DPY19L2: variants seen among roughly 807,000 people sequenced by gnomAD.
DPY19L2 encodes dpy-19 like 2, also known as probable C-mannosyltransferase DPY19L2.
A neutral mutation model predicts 97.9 loss-of-function variants in DPY19L2; 34 were observed. The observed-to-expected ratio is 0.35, with a 90% CI of 0.26 to 0.46. The LOEUF (loss-of-function observed/expected upper bound fraction) is 0.46, where lower values mean the gene tolerates loss of function less well. Ranked by LOEUF, DPY19L2 falls within the 20% of genes least tolerant of loss-of-function variation. The probability of loss-of-function intolerance (pLI) is 1.00; values close to 1 mark genes in which losing one functional copy is unlikely to be tolerated. For missense variants in DPY19L2, 623 were observed against 911.4 expected, an observed-to-expected ratio of 0.68 and a Z score of 4.07; for synonymous variants, 230 against 307.9, an observed-to-expected ratio of 0.75 and a Z score of 2.65.
intron 6 of DPY19L2, among the ~76,000 whole-genome samples, chr12:63,632,849 A>G (rs1233809511): frequency 7.2e-5 from 11 of 152,178 alleles, no homozygotes; most frequent in African/African-American, 2.4e-4. Context: ...ACAGCATGGT[A>G]CTGGTACCAA....
chr12:63,610,719 T>G (rs1886799387), intron 11 of DPY19L2, among the ~76,000 whole-genome samples: 1 of 150,268 alleles, frequency 6.7e-6, no homozygotes, highest in Non-Finnish European at 1.5e-5. Flanking sequence ...CTTCTCAAGC[T>G]CTTCCAAAAA....
At chr12:63,660,222 A>C (rs1321929735) in intron 4 of DPY19L2, among the ~76,000 whole-genome samples, 6 of 152,114 alleles carry the variant, frequency 3.9e-5, no homozygotes, top group African/African-American at 1.4e-4. Flanking sequence ...GAAACCATAC[A>C]AAAGTGTACC....
At chr12:63,568,323 G>A in intron 21 of DPY19L2, among the ~76,000 whole-genome samples, 1 of 151,926 alleles carries the variant, frequency 6.6e-6, no homozygotes. Flanking sequence ...TTCAGCTCTA[G>A]AATTTCCGTG....
intron 3 of DPY19L2, 85 bp from the exon 4 acceptor site, chr12:63,661,566 T>TTAA: frequency 2.6e-6 from 2 of 762,296 alleles, no homozygotes; most frequent in East Asian, 4.2e-5. Context: ...ACTTTTTTTC[T>TTAA]GAAAAAAAAA....
Position 63,668,119 on chromosome 12 carries a change from A to G in DPY19L2, c.275T>C (p.Leu92Pro). Reference protein sequence around the residue: ...FQFVRNSLAQLREKVQELQAR... With the variant: ...FQFVRNSLAQPREKVQELQAR... ...CTGCAGTTCCTGCACCTTTTCCCGGAGCTGCGCCAGGGAATTACGGACGAA... is the reference window on the plus strand; with the variant it reads ...CTGCAGTTCCTGCACCTTTTCCCGGGGCTGCGCCAGGGAATTACGGACGAA... The change falls in exon 1 of 22, where the codon CTC becomes CCC. Residue 92 changes from leucine (L) to proline (P), a missense_variant. Leu to Pro is a moderately conservative substitution (Grantham distance 98, BLOSUM62 -3). This residue lies in a region of DPY19L2 where 144 missense variants were observed against 119.4 expected (regional missense o/e 1.21). Coordinates refer to ENST00000324472, the MANE Select transcript of DPY19L2 (RefSeq NM_173812.5). 1 of 1,613,728 alleles carries G rather than the reference A, an allele frequency of 6.2e-7. No homozygotes were observed. The highest frequency in any genetic ancestry group is 8.5e-7 in the Non-Finnish European group (1 of 1,179,920).
chr12:63,656,769 A>C (rs1454095878), intron 4 of DPY19L2, among the ~76,000 whole-genome samples: 1 of 151,642 alleles, frequency 6.6e-6, no homozygotes, highest in African/African-American at 2.4e-5. Context: ...ATTCCTACTG[A>C]CCTATCTTCA....
At chr12:63,640,078 A>C (rs1244295343) in intron 6 of DPY19L2, among the ~76,000 whole-genome samples, 1 of 152,192 alleles carries the variant, frequency 6.6e-6, no homozygotes, top group Non-Finnish European at 1.5e-5. Flanking sequence ...GGAAACCATC[A>C]TTCTGAGCAA....
chr12:63,668,214 T>G lies in DPY19L2; in HGVS notation c.180A>C (p.Gln60His). The change falls in exon 1 of 22, where the codon CAA becomes CAC. Residue 60 changes from glutamine to histidine, a missense_variant. This residue lies in a region of DPY19L2 where 144 missense variants were observed against 119.4 expected (regional missense o/e 1.21). Transcript: ENST00000324472. ...GSWRSSPGRI[Q>H]SLKERKGLEL... is the part of the protein sequence containing the mutation. ...CCAAGCCTTTTCGCTCTTTCAGACT[T>G]TGGATCCTCCCCGGGGAGGACCTCC... The G allele has an allele frequency of 6.2e-7, 1 of 1,613,838 alleles. No homozygotes were observed. Among genetic ancestry groups the G allele is most frequent in the Non-Finnish European group, 8.5e-7 (1 of 1,179,890 alleles).
At chr12:63,596,182 T>G (rs1884206197) in intron 14 of DPY19L2, 145 bp from the exon 15 acceptor site, 1 of 452,882 alleles carries the variant, frequency 2.2e-6, no homozygotes, top group Non-Finnish European at 3.8e-6. Context: ...ATATATTTAT[T>G]GTCTTCCATG....
intron 16 of DPY19L2, among the ~76,000 whole-genome samples, chr12:63,589,629 A>G (rs1160991167): frequency 4.6e-5 from 7 of 152,092 alleles, no homozygotes; most frequent in Non-Finnish European, 7.4e-5. Context: ...CTTATGAAAG[A>G]AAATATGAAA....
At chr12:63,618,873 T>C (rs1023024207) in intron 9 of DPY19L2, among the ~76,000 whole-genome samples, 1 of 152,068 alleles carries the variant, frequency 6.6e-6, no homozygotes, top group Admixed American at 6.5e-5. Flanking sequence ...ATGATAGAAA[T>C]AGATCCACAA....
chr12:63,580,009 A>G (rs913251463), intron 19 of DPY19L2, among the ~76,000 whole-genome samples: 1 of 152,184 alleles, frequency 6.6e-6, no homozygotes, highest in African/African-American at 2.4e-5. Context: ...TTATAGACTT[A>G]TTCTCTGGAA....
chr12:63,650,664 C>T (rs11533675), intron 4 of DPY19L2, among the ~76,000 whole-genome samples: 3,074 of 152,132 alleles, frequency 0.02, 103 homozygotes, highest in East Asian at 0.13. Context: ...ATGAGAATTA[C>T]AAAACACTGC....
chr12:63,624,145 A>G lies in DPY19L2; in HGVS notation c.862-14T>C. ...CACACGGGTGGCCTGAAATCAACAA[A>G]ATGCCCACTTTACATCCTATTTACT... On this transcript the variant is annotated splice_polypyrimidine_tract_variant and intron_variant, in intron 7 of 21. Coordinates refer to ENST00000324472, the MANE Select transcript of DPY19L2 (RefSeq NM_173812.5). The G allele has an allele frequency of 6.3e-7, 1 of 1,595,598 alleles. No individual in the cohort carries two copies. The highest frequency in any genetic ancestry group is 8.6e-7 in the Non-Finnish European group (1 of 1,165,288).
intron 11 of DPY19L2, among the ~76,000 whole-genome samples, chr12:63,613,359 T>C (rs1465051597): frequency 2.0e-5 from 3 of 152,112 alleles, no homozygotes; most frequent in Non-Finnish European, 4.4e-5. Flanking sequence ...ACCAATATAA[T>C]GCAGCACATT....
rs1896600701 is a variant in DPY19L2, at chr12:63,668,451, G to A, written c.-58C>T. 4.1e-6 allele frequency: 6 copies of A among 1,469,378 alleles called. No individual in the cohort carries two copies. Among genetic ancestry groups the A allele is most frequent in the Non-Finnish European group, 5.4e-6 (6 of 1,106,548 alleles). The allele number at this position is 1,469,378 out of a possible 1,614,324, so 91.0% of individuals were successfully genotyped here. ...CAGGCACAGCCCAGCCGAGTCAGGCGAGGTCCAGAGAGACCTGACTCGCCT... is the reference window on the plus strand; with the variant it reads ...CAGGCACAGCCCAGCCGAGTCAGGCAAGGTCCAGAGAGACCTGACTCGCCT... On this transcript the variant is annotated 5_prime_UTR_variant, in exon 1 of 22. Coordinates refer to ENST00000324472, the MANE Select transcript of DPY19L2 (RefSeq NM_173812.5).
intron 1 of DPY19L2, chr12:63,666,523 CCTGT>C (rs1896357911): frequency 4.5e-6 from 2 of 446,370 alleles, no homozygotes; most frequent in African/African-American, 4.0e-5. Flanking sequence ...GCAAACGCAG[CCTGT>C]GCCCGTTTGG....
chr12:63,628,741 G>A (rs897918870), intron 6 of DPY19L2, among the ~76,000 whole-genome samples: 6 of 151,276 alleles, frequency 4.0e-5, no homozygotes, highest in Non-Finnish European at 8.8e-5. Flanking sequence ...CACGCAGCTG[G>A]AGATCTAACA....
intron 4 of DPY19L2, among the ~76,000 whole-genome samples, chr12:63,650,447 A>T (rs1463522502): frequency 3.3e-5 from 5 of 152,312 alleles, no homozygotes; most frequent in South Asian, 4.1e-4. Context: ...AAGCTCCTAG[A>T]TATGTCTTTT....
Sources: gnomAD v4.1 joint callset for allele counts (sites outside exome capture counted in the v4.1 genomes callset) on GRCh38, gnomAD v4.1.1 for gene constraint, gnomAD v4.1.1 regional missense constraint, MANE v1.5 for transcripts, NCBI Gene and HGNC (gene_info 2026-07-23, HGNC 2026-07-21) for gene names.